The following ZBTB20 variants were observed in gnomAD, a reference collection of about 807,000 sequenced individuals.
ZBTB20 encodes zinc finger and BTB domain-containing protein 20.
Under a neutral mutation model 56.9 loss-of-function variants are expected in ZBTB20, and 9 were observed. The ratio of observed to expected loss-of-function variants is 0.16; its 90% CI spans 0.10 to 0.28. ZBTB20 has a LOEUF of 0.28. Among genes scored for constraint, ZBTB20 ranks in the 10% least tolerant of loss-of-function variants. The probability of loss-of-function intolerance (pLI) is 1.00; values close to 1 mark genes in which losing one functional copy is unlikely to be tolerated. For synonymous variants in ZBTB20, 417 were observed against 420.7 expected, an observed-to-expected ratio of 0.99 and a Z score of 0.11; for missense variants, 655 against 1,003.0, an observed-to-expected ratio of 0.65 and a Z score of 4.69.
intron 5 of ZBTB20, among the ~76,000 whole-genome samples, chr3:114,774,962 T>C (rs1440845424): frequency 1.3e-5 from 2 of 152,196 alleles, no homozygotes; most frequent in Non-Finnish European, 2.9e-5. Flanking sequence ...TCCTTCTCTA[T>C]TCTGAGCAGG....
intron 2 of ZBTB20, among the ~76,000 whole-genome samples, chr3:115,059,748 T>C (rs1463371603): frequency 6.6e-6 from 1 of 152,178 alleles, no homozygotes; most frequent in Non-Finnish European, 1.5e-5. Context: ...TCTGTTTAGG[T>C]TTCCCTTCTG....
At position 114,694,071 on chromosome 3, in the gene ZBTB20, T is replaced by C. The variant is rs183733303; in HGVS notation, c.-342-496A>G. Among the ~76,000 whole-genome samples the C allele has an allele frequency of 8.5e-4, 129 of 152,222 alleles. 1 individual carries two copies. The highest frequency in any genetic ancestry group is 1.5e-3 in the Non-Finnish European group (101 of 67,994). ...GTGGCAATGGTGGGAGAATAAGCTA[T>C]GGATTATTTACCCTCGGTTTCATGA... On this transcript the variant is annotated intron_variant, in intron 5 of 11. Transcript: ENST00000675478.
chr3:115,025,525 G>T (rs1356707174), intron 2 of ZBTB20, among the ~76,000 whole-genome samples: 3 of 150,906 alleles, frequency 2.0e-5, no homozygotes, highest in Non-Finnish European at 4.5e-5. Context: ...GGAAAAGTAT[G>T]ATTCCCACAA....
At chr3:114,423,071 ATATT>A (rs1428842794) in intron 7 of ZBTB20, among the ~76,000 whole-genome samples, 2 of 152,148 alleles carry the variant, frequency 1.3e-5, no homozygotes, top group African/African-American at 4.8e-5. Context: ...CAACATTTTA[ATATT>A]TAATCTTTAA....
intron 6 of ZBTB20, among the ~76,000 whole-genome samples, chr3:114,542,097 C>G (rs1272993968): frequency 1.3e-5 from 2 of 151,892 alleles, no homozygotes; most frequent in African/African-American, 4.8e-5. Flanking sequence ...ATTTTTTTCA[C>G]AATAGTTTCA....
chr3:114,452,724 T>C (rs992678478), intron 7 of ZBTB20, among the ~76,000 whole-genome samples: 2 of 147,148 alleles, frequency 1.4e-5, no homozygotes, highest in African/African-American at 5.0e-5. Flanking sequence ...CCCAGGGATA[T>C]GAATAGATTT....
At chr3:114,491,616 G>T (rs1428076040) in intron 7 of ZBTB20, among the ~76,000 whole-genome samples, 1 of 151,958 alleles carries the variant, frequency 6.6e-6, no homozygotes, top group Non-Finnish European at 1.5e-5. Context: ...CATCTCTCTG[G>T]CCTTATCAGT....
At chr3:114,619,727 A>T (rs2058190233) in intron 6 of ZBTB20, among the ~76,000 whole-genome samples, 1 of 152,192 alleles carries the variant, frequency 6.6e-6, no homozygotes, top group Non-Finnish European at 1.5e-5. Flanking sequence ...CTACTCATTG[A>T]TGAGAAACAA....
In ZBTB20 at chr3:114,651,619, G is replaced by A. The variant is rs146549325; in HGVS notation, c.-295+41909C>T. 3.0e-3 allele frequency among the ~76,000 whole-genome samples: 450 copies of A among 148,578 alleles called. 2 individuals carry two copies. The highest frequency in any genetic ancestry group is 0.011 in the African/African-American group (437 of 40,672). Reference sequence around the variant, plus strand: ...CATTCTTTGAAGTTTTAAACCTAGAGTTTGATATTAACTTTGCAATATGCA... The same window carrying A: ...CATTCTTTGAAGTTTTAAACCTAGAATTTGATATTAACTTTGCAATATGCA... On this transcript the variant is annotated intron_variant, in intron 6 of 11. Coordinates refer to ENST00000675478, the MANE Select transcript of ZBTB20 (RefSeq NM_001348800.3).
At chr3:114,795,602 A>G (rs900411740) in intron 5 of ZBTB20, among the ~76,000 whole-genome samples, 3 of 152,012 alleles carry the variant, frequency 2.0e-5, no homozygotes, top group East Asian at 1.9e-4. Flanking sequence ...CTGTCCTTCA[A>G]TGTTCAAATC....
At chr3:114,462,181 G>A (rs927157007) in intron 7 of ZBTB20, among the ~76,000 whole-genome samples, 1 of 152,176 alleles carries the variant, frequency 6.6e-6, no homozygotes, top group African/African-American at 2.4e-5. Context: ...CACATTGTTG[G>A]TGATATTGCC....
chr3:114,618,078 T>TG (rs1487459924), intron 6 of ZBTB20, among the ~76,000 whole-genome samples: 1 of 109,004 alleles, frequency 9.2e-6, no homozygotes, highest in Non-Finnish European at 2.2e-5. Flanking sequence ...CAAAGATTTC[T>TG]GTTTTTTTTT....
At chr3:114,476,651 C>G (rs2040806651) in intron 7 of ZBTB20, among the ~76,000 whole-genome samples, 1 of 152,148 alleles carries the variant, frequency 6.6e-6, no homozygotes, top group Non-Finnish European at 1.5e-5. Flanking sequence ...CTAATGCACA[C>G]ACTCCTGCAG....
At chr3:114,925,746 T>C (rs964598332) in intron 3 of ZBTB20, among the ~76,000 whole-genome samples, 11 of 152,118 alleles carry the variant, frequency 7.2e-5, no homozygotes, top group African/African-American at 2.4e-4. Context: ...CAGGATGATC[T>C]CAATCTCCCG....
Position 114,389,400 on chromosome 3 carries a change from G to A in ZBTB20, c.-254-295C>T, listed in dbSNP as rs1162694010. On this transcript the variant is annotated intron_variant, in intron 7 of 11. Coordinates refer to ENST00000675478, the MANE Select transcript of ZBTB20 (RefSeq NM_001348800.3). ...CTGACTTAGAAGCTGAGTTGTGGGT[G>A]ACAGTGGGGGAAGGAAGTAGAAACA... Among the ~76,000 whole-genome samples the A allele has an allele frequency of 2.0e-5, 3 of 152,254 alleles. No homozygotes were observed. In the East Asian group the frequency reaches 5.8e-4, roughly 29 times the overall value.
chr3:114,367,773 TTTTTAGGAAAAAAAAACATACAA>T, intron 10 of ZBTB20, among the ~76,000 whole-genome samples: 1 of 123,900 alleles, frequency 8.1e-6, no homozygotes, highest in Middle Eastern at 4.0e-3. Flanking sequence ...TCCTCTTTCA[TTTTTAGGAAAAAAAAACATACAA>T]ATGGGGGAAT....
intron 5 of ZBTB20, among the ~76,000 whole-genome samples, chr3:114,769,247 G>A (rs1227048584): frequency 6.6e-6 from 1 of 151,996 alleles, no homozygotes; most frequent in Non-Finnish European, 1.5e-5. Context: ...AACAGCACAA[G>A]TTGACAAATC....
At chr3:114,904,256 G>C (rs1304286803) in intron 3 of ZBTB20, 2 of 151,954 alleles carry the variant, frequency 1.3e-5, no homozygotes, top group Non-Finnish European at 1.5e-5. Context: ...GTTGGGCCTG[G>C]CTAGAGATGC....
At chr3:114,667,170 T>C (rs2061105640) in intron 6 of ZBTB20, among the ~76,000 whole-genome samples, 2 of 151,994 alleles carry the variant, frequency 1.3e-5, no homozygotes, top group African/African-American at 4.8e-5. Context: ...CAGTAGGATA[T>C]AAATAACTCC....
Sources: gnomAD v4.1 joint callset for allele counts (sites outside exome capture counted in the v4.1 genomes callset) on GRCh38, gnomAD v4.1.1 for gene constraint, MANE v1.5 for transcripts, NCBI Gene and HGNC (gene_info 2026-07-23, HGNC 2026-07-21) for gene names.